ADAMTS19: variants seen among roughly 807,000 people sequenced by gnomAD.
ADAMTS19 encodes ADAM metallopeptidase with thrombospondin type 1 motif 19, also known as A disintegrin and metalloproteinase with thrombospondin motifs 19.
In ADAMTS19, 93 loss-of-function variants were observed where a neutral mutation model predicts 153.3. The ratio of observed to expected loss-of-function variants is 0.61; its 90% CI spans 0.51 to 0.72. The LOEUF is 0.72. ADAMTS19 is among the 30% of genes least tolerant of loss of function. The probability of loss-of-function intolerance (pLI) is 0.00; values close to 1 mark genes in which losing one functional copy is unlikely to be tolerated. For missense variants in ADAMTS19, 1,482 were observed against 1,552.1 expected (o/e 0.95, Z 0.76); for synonymous variants, 600 against 556.6 (o/e 1.08, Z -1.10).
In ADAMTS19 at chr5:129,738,055, T is replaced by C. The variant is rs1000322420; in HGVS notation, c.*837T>C. On this transcript the variant is annotated 3_prime_UTR_variant, in exon 23 of 23. Transcript: ENST00000274487. The stretch of plus-strand genomic sequence containing the variant: ...ACATTGATCCACCCATTTCCCTGTA[T>C]CTTTTTAGCAGATTTATTAAAGAGT... The C allele has an allele frequency of 5.9e-5, 9 of 152,494 alleles. No individual in the cohort carries two copies. 9.4% of individuals were successfully genotyped at this position (152,494 alleles called of 1,614,324 possible).
intron 7 of ADAMTS19, among the ~76,000 whole-genome samples, chr5:129,574,943 C>T (rs1030394121): frequency 2.6e-5 from 4 of 151,648 alleles, no homozygotes; most frequent in Non-Finnish European, 5.9e-5. Context: ...AATACATCTA[C>T]AGTTTGAGTC....
At chr5:129,497,386 T>C (rs1170865273) in intron 2 of ADAMTS19, among the ~76,000 whole-genome samples, 1 of 152,070 alleles carries the variant, frequency 6.6e-6, no homozygotes, top group East Asian at 1.9e-4. Context: ...AATAATATCA[T>C]TCAGTCTTAG....
intron 8 of ADAMTS19, among the ~76,000 whole-genome samples, chr5:129,611,469 G>A (rs1181501745): frequency 2.0e-5 from 3 of 152,098 alleles, no homozygotes; most frequent in Non-Finnish European, 4.4e-5. Context: ...TATTGTATAA[G>A]GTGTAAGGAA....
intron 3 of ADAMTS19, among the ~76,000 whole-genome samples, chr5:129,513,147 A>G (rs79971330): frequency 0.09 from 13,604 of 151,844 alleles, 689 homozygotes; most frequent in Middle Eastern, 0.17. Context: ...TCGACTATTT[A>G]TCTAGTCACT....
intron 6 of ADAMTS19, among the ~76,000 whole-genome samples, chr5:129,548,952 C>G (rs1015295968): frequency 4.2e-5 from 6 of 143,172 alleles, no homozygotes; most frequent in Non-Finnish European, 7.5e-5. Context: ...CACATGTTCT[C>G]ACTCATAGAT....
At chr5:129,731,351 G>T (rs1466361119) in intron 21 of ADAMTS19, among the ~76,000 whole-genome samples, 2 of 152,078 alleles carry the variant, frequency 1.3e-5, no homozygotes, top group African/African-American at 4.8e-5. Context: ...GCATGGAAAT[G>T]ATTAGTTTAT....
intron 2 of ADAMTS19, among the ~76,000 whole-genome samples, chr5:129,485,150 T>C (rs1750548068): frequency 1.3e-5 from 2 of 152,156 alleles, no homozygotes; most frequent in Non-Finnish European, 2.9e-5. Flanking sequence ...AACACATTGG[T>C]GTAATCTTAG....
intron 14 of ADAMTS19, 131 bp downstream of exon 14, chr5:129,654,564 G>A (rs1753460995): frequency 2.0e-6 from 2 of 1,002,522 alleles, no homozygotes; most frequent in Non-Finnish European, 2.9e-6. Context: ...TGCCTTGACT[G>A]TGACCTTGAG....
rs115766747 is a variant in ADAMTS19 at position 129,720,332 on chromosome 5, C to T, written c.3313-14600C>T. Among the ~76,000 whole-genome samples the T allele has an allele frequency of 7.0e-3, 1,060 of 151,710 alleles. 17 individuals carry two copies. The highest frequency in any genetic ancestry group is 0.024 in the African/African-American group (1,001 of 41,384). ...GATTAAAGGTGTCCGCCACCACGCC[C>T]GGCTGATTTTTCTATTTTAGTAGAA... On this transcript the variant is annotated intron_variant, in intron 21 of 22. Coordinates refer to ENST00000274487, the MANE Select transcript of ADAMTS19 (RefSeq NM_133638.6).
chr5:129,476,923 T>C (rs1750246714), intron 2 of ADAMTS19, among the ~76,000 whole-genome samples: 1 of 152,158 alleles, frequency 6.6e-6, no homozygotes, highest in South Asian at 2.1e-4. Flanking sequence ...CTATCATTTT[T>C]GGAAGTGAAC....
chr5:129,536,461 G>A (rs1167429106), intron 6 of ADAMTS19, among the ~76,000 whole-genome samples: 3 of 152,166 alleles, frequency 2.0e-5, no homozygotes, highest in Admixed American at 2.0e-4. Context: ...TACACTGTTG[G>A]TGGGACTGTA....
chr5:129,693,042 T>C (rs1196112943), intron 18 of ADAMTS19, among the ~76,000 whole-genome samples: 1 of 152,238 alleles, frequency 6.6e-6, no homozygotes, highest in African/African-American at 2.4e-5. Flanking sequence ...CAAATGGTTT[T>C]AATAACATTA....
intron 7 of ADAMTS19, among the ~76,000 whole-genome samples, chr5:129,578,084 A>ACATATGCATGTATATGTACGTATACG: frequency 2.4e-5 from 1 of 41,110 alleles, no homozygotes; most frequent in African/African-American, 4.0e-5. Flanking sequence ...ACACACATAT[A>ACATATGCATGTATATGTACGTATACG]TACATATACA....
At chr5:129,614,630 C>G (rs1162325616) in intron 8 of ADAMTS19, among the ~76,000 whole-genome samples, 3 of 152,056 alleles carry the variant, frequency 2.0e-5, no homozygotes, top group South Asian at 2.1e-4. Flanking sequence ...TGGCACAAGA[C>G]AGGGATGTAC....
At chr5:129,476,893 T>G (rs967284353) in intron 2 of ADAMTS19, among the ~76,000 whole-genome samples, 1 of 152,136 alleles carries the variant, frequency 6.6e-6, no homozygotes, top group Non-Finnish European at 1.5e-5. Flanking sequence ...AAATTTGATA[T>G]GAAAGCAAAT....
chr5:129,654,266 G>A lies in ADAMTS19; in HGVS notation c.2177-40G>A, dbSNP rs758918031. The A allele has an allele frequency of 4.9e-5, 76 of 1,538,840 alleles. 1 individual carries two copies. The South Asian group carries it at 4.9e-4, about 10-fold the overall frequency. ...AGCTTAAGATAAAAATATTTATGGG[G>A]TAACTTTTTCTCATTTCTTTTTATC... On this transcript the variant is annotated intron_variant, in intron 13 of 22. Coordinates refer to ENST00000274487, the MANE Select transcript of ADAMTS19 (RefSeq NM_133638.6).
At chr5:129,559,037 A>C (rs1237419362) in intron 7 of ADAMTS19, among the ~76,000 whole-genome samples, 1 of 152,096 alleles carries the variant, frequency 6.6e-6, no homozygotes, top group Non-Finnish European at 1.5e-5. Flanking sequence ...GAACAAAAGC[A>C]AGCTTCTGTC....
chr5:129,507,024 C>T (rs1490530575), intron 2 of ADAMTS19, among the ~76,000 whole-genome samples: 2 of 151,904 alleles, frequency 1.3e-5, no homozygotes, highest in Non-Finnish European at 2.9e-5. Flanking sequence ...AGAATCTTTT[C>T]TTGGAGTCAT....
chr5:129,497,794 A>G (rs1750973322), intron 2 of ADAMTS19, among the ~76,000 whole-genome samples: 1 of 152,178 alleles, frequency 6.6e-6, no homozygotes, highest in East Asian at 1.9e-4. Context: ...TCCTTAGTCC[A>G]GTCACCCTGT....
Sources: gnomAD v4.1 joint callset for allele counts (sites outside exome capture counted in the v4.1 genomes callset) on GRCh38, gnomAD v4.1.1 for gene constraint, MANE v1.5 for transcripts, NCBI Gene and HGNC (gene_info 2026-07-23, HGNC 2026-07-21) for gene names.